Variants in NEK7 observed in about 807,000 individuals in gnomAD.
NEK7 encodes the protein NIMA related kinase 7, also known as serine/threonine-protein kinase Nek7.
A neutral mutation model predicts 44.6 loss-of-function variants in NEK7; 18 were observed. The observed-to-expected ratio is 0.40, with a 90% CI of 0.28 to 0.60. The LOEUF (loss-of-function observed/expected upper bound fraction) is 0.60. Among genes scored for constraint, NEK7 ranks in the 20% least tolerant of loss-of-function variants. The probability of loss-of-function intolerance (pLI) is 0.38; values close to 1 mark genes in which losing one functional copy is unlikely to be tolerated. For synonymous variants in NEK7, 130 were observed against 121.1 expected, an observed-to-expected ratio of 1.07 and a Z score of -0.48; for missense variants, 256 against 366.5, an observed-to-expected ratio of 0.70 and a Z score of 2.46.
intron 1 of NEK7, among the ~76,000 whole-genome samples, chr1:198,184,350 A>T (rs537481784): frequency 6.6e-6 from 1 of 152,290 alleles, no homozygotes; most frequent in Non-Finnish European, 1.5e-5. Flanking sequence ...ACAGTTCTAA[A>T]TATTATCTCT....
intron 5 of NEK7, among the ~76,000 whole-genome samples, chr1:198,274,499 A>T (rs991062387): frequency 2.0e-5 from 3 of 151,790 alleles, no homozygotes; most frequent in Non-Finnish European, 2.9e-5. Flanking sequence ...AAAGATTAAC[A>T]TGTCAAACTT....
At chr1:198,184,916 C>T (rs1664873488) in intron 1 of NEK7, among the ~76,000 whole-genome samples, 1 of 151,918 alleles carries the variant, frequency 6.6e-6, no homozygotes, top group Non-Finnish European at 1.5e-5. Flanking sequence ...GCTATGTTGC[C>T]CAGGCTGCTG....
At chr1:198,232,777 AT>A (rs3084926) in intron 2 of NEK7, 140 bp downstream of exon 2, 81,067 of 380,220 alleles carry the variant, frequency 0.21, 3,243 homozygotes, top group African/African-American at 0.32. Flanking sequence ...TTTAATCAGC[AT>A]TTTTTTTTTT....
At chr1:198,290,580 T>C (rs1293970725) in intron 7 of NEK7, among the ~76,000 whole-genome samples, 3 of 152,100 alleles carry the variant, frequency 2.0e-5, no homozygotes, top group Non-Finnish European at 2.9e-5. Flanking sequence ...TGAAGAAGCG[T>C]GTCAGGAGAC....
chr1:198,178,506 A>G (rs1273919231), intron 1 of NEK7, among the ~76,000 whole-genome samples: 1 of 152,062 alleles, frequency 6.6e-6, no homozygotes, highest in African/African-American at 2.4e-5. Context: ...GAAATTCTGT[A>G]GGAGAATTTT....
chr1:198,212,808 C>T (rs1665814272), intron 1 of NEK7, among the ~76,000 whole-genome samples: 1 of 152,234 alleles, frequency 6.6e-6, no homozygotes, highest in Non-Finnish European at 1.5e-5. Context: ...GGCTGGAGGC[C>T]AACCAGCACA....
intron 9 of NEK7, among the ~76,000 whole-genome samples, chr1:198,303,811 T>C (rs555101401): frequency 6.6e-6 from 1 of 152,244 alleles, no homozygotes; most frequent in East Asian, 1.9e-4. Context: ...TCTGCAACCA[T>C]GTAATCAAAT....
chr1:198,256,402 A>T, intron 3 of NEK7: 1 of 1,612,218 alleles, frequency 6.2e-7, no homozygotes, highest in Non-Finnish European at 8.5e-7. Context: ...TCATAAAGGG[A>T]TCTGAGAGCC....
At chr1:198,304,247 C>T (rs1654967189) in intron 9 of NEK7, among the ~76,000 whole-genome samples, 1 of 152,154 alleles carries the variant, frequency 6.6e-6, no homozygotes, top group Admixed American at 6.5e-5. Flanking sequence ...ACTGAATGAT[C>T]TTCAGCTGTG....
chr1:198,303,807 A>G lies in NEK7; in HGVS notation c.798+6567A>G, dbSNP rs577571414. On this transcript the variant is annotated intron_variant, in intron 9 of 9. Coordinates refer to ENST00000367385, the MANE Select transcript of NEK7 (RefSeq NM_133494.3). ...TACAAATATTTCTGCAGTCTCTGCA[A>G]CCATGTAATCAAATGCTGAAGTAAG... 1.8e-4 allele frequency among the ~76,000 whole-genome samples: 27 copies of G among 152,292 alleles called. 1 individual carries two copies. In the South Asian group the frequency reaches 5.6e-3, roughly 32 times the overall value.
At chr1:198,309,975 G>A (rs1391961595) in intron 9 of NEK7, among the ~76,000 whole-genome samples, 1 of 151,764 alleles carries the variant, frequency 6.6e-6, no homozygotes, top group Admixed American at 6.6e-5. Context: ...GGGATGGCTG[G>A]GTCAAATGGT....
chr1:198,303,860 G>T (rs953216890), intron 9 of NEK7, among the ~76,000 whole-genome samples: 2 of 152,038 alleles, frequency 1.3e-5, no homozygotes, highest in Non-Finnish European at 1.5e-5. Context: ...TGTAGAGAGA[G>T]ATATATAATA....
chr1:198,252,935 C>A, intron 2 of NEK7, 105 bp from the exon 3 acceptor site: 2 of 931,892 alleles, frequency 2.1e-6, no homozygotes, highest in African/African-American at 1.7e-5. Flanking sequence ...TGGATGTCTG[C>A]AAACTTACCC....
intron 1 of NEK7, among the ~76,000 whole-genome samples, chr1:198,176,984 T>C (rs1235345485): frequency 6.6e-6 from 1 of 152,048 alleles, no homozygotes; most frequent in Non-Finnish European, 1.5e-5. Flanking sequence ...CGTCAGTATG[T>C]AGGAGGCAGG....
intron 5 of NEK7, among the ~76,000 whole-genome samples, chr1:198,267,224 C>G (rs552931308): frequency 6.6e-6 from 1 of 152,056 alleles, no homozygotes; most frequent in Non-Finnish European, 1.5e-5. Context: ...GCTCAGGTCA[C>G]TGTTATTTTA....
intron 2 of NEK7, among the ~76,000 whole-genome samples, chr1:198,235,197 T>G (rs1168052337): frequency 3.3e-5 from 5 of 152,180 alleles, no homozygotes; most frequent in Non-Finnish European, 7.3e-5. Context: ...TGTATATTGT[T>G]GGCATATCCA....
chr1:198,191,986 C>T (rs902287912), intron 1 of NEK7, among the ~76,000 whole-genome samples: 1 of 152,036 alleles, frequency 6.6e-6, no homozygotes, highest in Non-Finnish European at 1.5e-5. Flanking sequence ...GCTTCAATTG[C>T]CCTTTCAATA....
intron 2 of NEK7, 47 bp from the exon 3 acceptor site, chr1:198,252,984 TGTGTATTGC>T: frequency 7.0e-7 from 1 of 1,423,424 alleles, no homozygotes; most frequent in Non-Finnish European, 9.7e-7. Flanking sequence ...TCAGTGATTG[TGTGTATTGC>T]GTGTATATTG....
At chr1:198,232,485 G>T in intron 1 of NEK7, 68 bp from the exon 2 acceptor site, 1 of 726,544 alleles carries the variant, frequency 1.4e-6, no homozygotes, top group South Asian at 1.6e-5. Flanking sequence ...TGCATGTGTC[G>T]GTGTATGATG....
Sources: gnomAD v4.1 joint callset for allele counts (sites outside exome capture counted in the v4.1 genomes callset) on GRCh38, gnomAD v4.1.1 for gene constraint, MANE v1.5 for transcripts, NCBI Gene and HGNC (gene_info 2026-07-23, HGNC 2026-07-21) for gene names.